Variants in AK8 observed in about 807,000 individuals in gnomAD.
AK8 encodes ATP-AMP transphosphorylase 8.
Under a neutral mutation model 54.6 loss-of-function variants are expected in AK8, and 44 were observed. The ratio of observed to expected loss-of-function variants is 0.81; its 90% CI spans 0.63 to 1.04. The LOEUF (loss-of-function observed/expected upper bound fraction) is 1.04, where lower values mean the gene tolerates loss of function less well. Among genes scored for constraint, AK8 ranks in the 50% least tolerant of loss-of-function variants. AK8 has a pLI of 0.00. For synonymous variants in AK8, 239 were observed against 245.6 expected (o/e 0.97, Z 0.25); for missense variants, 555 against 613.6 (o/e 0.90, Z 1.01).
At chr9:132,821,230 C>T (rs1222578580) in intron 9 of AK8, among the ~76,000 whole-genome samples, 1 of 151,782 alleles carries the variant, frequency 6.6e-6, no homozygotes, top group Non-Finnish European at 1.5e-5. Flanking sequence ...AGTATTGCTG[C>T]CGTGTTTTCA....
chr9:132,848,385 A>C (rs1446112051), intron 5 of AK8, among the ~76,000 whole-genome samples: 2 of 152,102 alleles, frequency 1.3e-5, no homozygotes, highest in Non-Finnish European at 2.9e-5. Context: ...GAAACCTTAA[A>C]AATAGTGACC....
intron 10 of AK8, among the ~76,000 whole-genome samples, chr9:132,793,523 A>G (rs1323770694): frequency 1.3e-5 from 2 of 152,038 alleles, no homozygotes; most frequent in Non-Finnish European, 2.9e-5. Context: ...AGCAACGCCC[A>G]CTCCCCTTTC....
intron 9 of AK8, among the ~76,000 whole-genome samples, chr9:132,822,565 C>T (rs1312343747): frequency 6.6e-6 from 1 of 152,010 alleles, no homozygotes; most frequent in African/African-American, 2.4e-5. Context: ...TAACTCCCTT[C>T]AACCTGGCAG....
At chr9:132,740,652 T>C (rs1374574844) in intron 11 of AK8, among the ~76,000 whole-genome samples, 1 of 152,076 alleles carries the variant, frequency 6.6e-6, no homozygotes, top group Non-Finnish European at 1.5e-5. Context: ...CCGTTTGGAT[T>C]TGGGGATGAT....
rs1055502526 is a variant in AK8 at position 132,799,578 on chromosome 9, C to A, written c.980-6803G>T. Among the ~76,000 whole-genome samples the A allele has an allele frequency of 6.6e-5, 10 of 151,790 alleles. No homozygotes were observed. The highest frequency in any genetic ancestry group is 2.4e-4 in the African/African-American group (10 of 41,320). ...AGGCACGCACACACACAGACATGTG[C>A]TCATGCACTCAGCTACAAACACACA... On this transcript the variant is annotated intron_variant, in intron 10 of 12. Transcript: ENST00000298545. The surrounding 1 kb of genome is among the most constrained non-coding windows in gnomAD (Gnocchi z 5.0).
At chr9:132,874,790 T>C (rs1844015230) in intron 2 of AK8, among the ~76,000 whole-genome samples, 1 of 152,246 alleles carries the variant, frequency 6.6e-6, no homozygotes, top group African/African-American at 2.4e-5. Context: ...CGACATCAGC[T>C]AGGGCAGGCG....
chr9:132,828,324 T>C (rs1191767827), intron 6 of AK8, among the ~76,000 whole-genome samples: 1 of 152,176 alleles, frequency 6.6e-6, no homozygotes, highest in Non-Finnish European at 1.5e-5. Flanking sequence ...TGTTAACAAT[T>C]TCCCTCGTCA....
chr9:132,844,223 G>A (rs186847714), intron 5 of AK8, among the ~76,000 whole-genome samples: 1 of 143,830 alleles, frequency 7.0e-6, no homozygotes, highest in African/African-American at 2.6e-5. Flanking sequence ...CCAATACAGA[G>A]TGCTAATTTT....
chr9:132,744,962 C>T lies in AK8; in HGVS notation c.1122-17428G>A, dbSNP rs572214505. The stretch of plus-strand genomic sequence containing the variant: ...CCATATGAATCCGCCAGTCACTTCC[C>T]GCAGTCTGCGGAGTGGAGGGGGTGG... On this transcript the variant is annotated intron_variant, in intron 11 of 12. Transcript: ENST00000298545. 7.2e-5 allele frequency among the ~76,000 whole-genome samples: 11 copies of T among 152,326 alleles called. 1 individual carries two copies. The highest frequency in any genetic ancestry group is 6.2e-4 in the South Asian group (3 of 4,826).
Position 132,801,996 on chromosome 9 carries a change from G to C in AK8, c.980-9221C>G, listed in dbSNP as rs150037952. Among the ~76,000 whole-genome samples the C allele has an allele frequency of 2.9e-3, 436 of 152,332 alleles. 1 individual carries two copies. Among genetic ancestry groups the C allele is most frequent in the Middle Eastern group, 0.01 (3 of 294 alleles). On this transcript the variant is annotated intron_variant, in intron 10 of 12. Transcript: ENST00000298545. ...ACGAGCACTGTGACGATGAGGACTA[G>C]AGGCCCAAACTCTGCCCTGCGCTCT...
chr9:132,840,763 C>G (rs1036815004), intron 5 of AK8, among the ~76,000 whole-genome samples: 5 of 152,048 alleles, frequency 3.3e-5, no homozygotes, highest in Admixed American at 3.3e-4. Flanking sequence ...TGTGGTGGCA[C>G]ACGCCTGCAA....
chr9:132,765,657 A>G (rs1182408163), intron 11 of AK8, among the ~76,000 whole-genome samples: 1 of 152,166 alleles, frequency 6.6e-6, no homozygotes, highest in Non-Finnish European at 1.5e-5. Flanking sequence ...AAAACCCTCA[A>G]CGAACAATGT....
At chr9:132,814,578 A>G (rs1225889883) in intron 10 of AK8, 60 bp downstream of exon 10, 8 of 1,521,486 alleles carry the variant, frequency 5.3e-6, no homozygotes, top group Non-Finnish European at 6.3e-6. Context: ...AGAGCCGCAC[A>G]AAAAGAAAGT....
intron 10 of AK8, among the ~76,000 whole-genome samples, chr9:132,800,291 T>G (rs1460529047): frequency 6.6e-6 from 1 of 152,182 alleles, no homozygotes; most frequent in Non-Finnish European, 1.5e-5. Flanking sequence ...GCCAGGTGTT[T>G]CTGTTGGTGA....
At chr9:132,777,783 T>G (rs923207486) in intron 11 of AK8, among the ~76,000 whole-genome samples, 4 of 152,142 alleles carry the variant, frequency 2.6e-5, no homozygotes, top group African/African-American at 9.7e-5. Flanking sequence ...GGAAGGAAAC[T>G]TGGGGTGCAA....
intron 10 of AK8, among the ~76,000 whole-genome samples, chr9:132,808,323 C>G (rs960805005): frequency 6.6e-6 from 1 of 152,060 alleles, no homozygotes. Flanking sequence ...CAAGTCAGAA[C>G]GAGTTTAGGG....
At chr9:132,848,144 G>GA (rs1842831659) in intron 5 of AK8, among the ~76,000 whole-genome samples, 1 of 80,880 alleles carries the variant, frequency 1.2e-5, no homozygotes, top group Non-Finnish European at 2.4e-5. Flanking sequence ...AAAAAAAAAA[G>GA]ATTGAAGAGA....
At chr9:132,830,957 C>T (rs780204443) in intron 5 of AK8, among the ~76,000 whole-genome samples, 2 of 152,084 alleles carry the variant, frequency 1.3e-5, no homozygotes, top group African/African-American at 2.4e-5. Context: ...TTCCAGTGTG[C>T]GAATGATATA....
chr9:132,810,640 A>T (rs1317337587), intron 10 of AK8, among the ~76,000 whole-genome samples: 3 of 152,218 alleles, frequency 2.0e-5, no homozygotes, highest in Admixed American at 6.5e-5. Context: ...TAAGACGAGG[A>T]AGATAAGACT....
Sources: allele counts gnomAD v4.1 joint callset (sites outside exome capture counted in the v4.1 genomes callset), GRCh38; gene constraint gnomAD v4.1.1; non-coding constraint Gnocchi (gnomAD v3.1); transcripts MANE v1.5; gene names NCBI Gene and HGNC (gene_info 2026-07-23, HGNC 2026-07-21).